Variants in AFF3 observed in about 807,000 individuals in gnomAD.
AFF3 encodes ALF transcription elongation factor 3.
AFF3 carries 32 observed loss-of-function variants against 129.7 expected under a neutral mutation model. The ratio of observed to expected loss-of-function variants is 0.25; its 90% CI spans 0.19 to 0.33. The LOEUF is 0.33. Ranked by LOEUF, AFF3 falls within the 10% of genes least tolerant of loss-of-function variation. The probability of loss-of-function intolerance (pLI) is 1.00; values close to 1 mark genes in which losing one functional copy is unlikely to be tolerated. For missense variants in AFF3, 1,373 were observed against 1,592.0 expected, an observed-to-expected ratio of 0.86 and a Z score of 2.34; for synonymous variants, 644 against 635.4, an observed-to-expected ratio of 1.01 and a Z score of -0.20.
At chr2:99,926,136 G>A (rs1696221724) in intron 7 of AFF3, among the ~76,000 whole-genome samples, 7 of 152,184 alleles carry the variant, frequency 4.6e-5, no homozygotes, top group African/African-American at 2.4e-5. Context: ...CAACTCTCAG[G>A]CATGGGGTTA....
chr2:99,599,297 C>A (rs1679589695), intron 14 of AFF3, among the ~76,000 whole-genome samples: 1 of 152,208 alleles, frequency 6.6e-6, no homozygotes, highest in Non-Finnish European at 1.5e-5. Context: ...CTCGCTCTGT[C>A]ACCCAGGCTG....
intron 10 of AFF3, among the ~76,000 whole-genome samples, chr2:99,730,147 G>A (rs539076675): frequency 2.0e-5 from 3 of 152,156 alleles, no homozygotes; most frequent in African/African-American, 7.2e-5. Flanking sequence ...CTGTTCTGAT[G>A]CCCTGTCACT....
intron 7 of AFF3, among the ~76,000 whole-genome samples, chr2:99,842,747 T>A (rs183022802): frequency 2.6e-5 from 4 of 152,026 alleles, no homozygotes; most frequent in Admixed American, 2.6e-4. Context: ...GCTCGGGGAA[T>A]AGCCAGGAGC....
chr2:99,971,510 A>G (rs1678374552), intron 7 of AFF3, among the ~76,000 whole-genome samples: 2 of 152,094 alleles, frequency 1.3e-5, no homozygotes, highest in South Asian at 4.1e-4. Context: ...CAAAGCCACA[A>G]CCCACAACCC....
chr2:100,011,975 T>C (rs537838177), intron 4 of AFF3, among the ~76,000 whole-genome samples: 2 of 152,214 alleles, frequency 1.3e-5, no homozygotes, highest in East Asian at 3.9e-4. Flanking sequence ...CCCTTTAAGC[T>C]GAAGGATACC....
At chr2:99,733,297 T>C (rs1373230861) in intron 10 of AFF3, among the ~76,000 whole-genome samples, 1 of 151,608 alleles carries the variant, frequency 6.6e-6, no homozygotes, top group African/African-American at 2.4e-5. Context: ...GGAGAATTGC[T>C]TGAACCTGGG....
intron 4 of AFF3, among the ~76,000 whole-genome samples, chr2:100,035,532 A>ATT (rs1559075445): frequency 7.9e-5 from 12 of 152,334 alleles, no homozygotes; most frequent in Non-Finnish European, 1.6e-4. Context: ...GAAGAAGCAC[A>ATT]TGGGAGCAGA....
intron 11 of AFF3, among the ~76,000 whole-genome samples, chr2:99,726,416 T>C (rs1275787438): frequency 6.6e-6 from 1 of 152,242 alleles, no homozygotes; most frequent in African/African-American, 2.4e-5. Context: ...AAACCTGTTA[T>C]TGACTCTTAT....
chr2:99,722,685 A>G (rs985953733), intron 11 of AFF3, among the ~76,000 whole-genome samples: 3 of 152,206 alleles, frequency 2.0e-5, no homozygotes, highest in Admixed American at 1.3e-4. Context: ...GTTTTCCACT[A>G]CGCTCATTGG....
chr2:99,762,731 G>A (rs866868807), intron 8 of AFF3, among the ~76,000 whole-genome samples: 3 of 152,198 alleles, frequency 2.0e-5, no homozygotes, highest in Admixed American at 6.5e-5. Context: ...GCAGATGACC[G>A]CAGTTAACTC....
At chr2:100,020,320 A>G (rs892168302) in intron 4 of AFF3, among the ~76,000 whole-genome samples, 4 of 151,784 alleles carry the variant, frequency 2.6e-5, no homozygotes, top group African/African-American at 9.7e-5. Flanking sequence ...CCCTCCTGTG[A>G]CACTCCAGGC....
intron 4 of AFF3, among the ~76,000 whole-genome samples, chr2:100,040,808 T>C (rs1480424524): frequency 1.3e-5 from 2 of 152,250 alleles, no homozygotes; most frequent in African/African-American, 2.4e-5. Flanking sequence ...AAAGTCATGC[T>C]GAGCAGCAAG....
intron 13 of AFF3, among the ~76,000 whole-genome samples, chr2:99,606,139 G>A (rs1187560204): frequency 6.7e-6 from 1 of 149,378 alleles, no homozygotes; most frequent in Non-Finnish European, 1.5e-5. Flanking sequence ...TTAGCTGGGT[G>A]TGCTGGCATG....
rs1227552121 is a variant in AFF3 at position 99,568,721 on chromosome 2, A to G, written c.2982+131T>C. On this transcript the variant is annotated intron_variant, in intron 19 of 24. Coordinates refer to ENST00000672756, the MANE Select transcript of AFF3 (RefSeq NM_001386135.1). ...GCTATGAACATTTGATTATATAAAC[A>G]TTTCTCCATTGAACAGACCCGGCCA... The G allele has an allele frequency of 9.5e-6, 8 of 839,164 alleles. No individual in the cohort carries two copies. In the African/African-American group the frequency reaches 1.2e-4, roughly 12 times the overall value. The allele number at this position is 839,164 out of a possible 1,614,324, so 52.0% of individuals were successfully genotyped here. A position where few individuals can be genotyped will look rare whatever the true frequency, so the allele number is the denominator to read the frequency against.
At chr2:100,077,234 G>A (rs1407635745) in intron 4 of AFF3, among the ~76,000 whole-genome samples, 1 of 152,156 alleles carries the variant, frequency 6.6e-6, no homozygotes, top group African/African-American at 2.4e-5. Context: ...GGGCGACAGT[G>A]AGACTGTCTC....
intron 13 of AFF3, among the ~76,000 whole-genome samples, chr2:99,633,232 C>T (rs141900926): frequency 1.3e-4 from 20 of 151,994 alleles, no homozygotes; most frequent in East Asian, 1.2e-3. Context: ...CATCAGGCAC[C>T]GTACACGTGC....
chr2:100,006,539 GAAA>G, intron 7 of AFF3, 90 bp downstream of exon 7: 1 of 1,451,788 alleles, frequency 6.9e-7, no homozygotes, highest in Non-Finnish European at 9.1e-7. Context: ...CCACATCACT[GAAA>G]AAAAAGAAAC....
At chr2:100,013,226 C>A (rs1222018055) in intron 4 of AFF3, among the ~76,000 whole-genome samples, 1 of 152,112 alleles carries the variant, frequency 6.6e-6, no homozygotes, top group African/African-American at 2.4e-5. Flanking sequence ...TAGAAATAGA[C>A]GTCTAAACAT....
chr2:99,927,088 G>A (rs1696304043), intron 7 of AFF3, among the ~76,000 whole-genome samples: 1 of 152,178 alleles, frequency 6.6e-6, no homozygotes, highest in South Asian at 2.1e-4. Flanking sequence ...AGGAAAGGAT[G>A]TGAAAACTGC....
Sources: allele counts gnomAD v4.1 joint callset (sites outside exome capture counted in the v4.1 genomes callset), GRCh38; gene constraint gnomAD v4.1.1; transcripts MANE v1.5; gene names NCBI Gene and HGNC (gene_info 2026-07-23, HGNC 2026-07-21).